The following DNMBP variants were observed in gnomAD, a reference collection of about 807,000 sequenced individuals.
DNMBP encodes the protein dynamin-binding protein.
Under a neutral mutation model 150.0 loss-of-function variants are expected in DNMBP, and 87 were observed. The ratio of observed to expected loss-of-function variants is 0.58; its 90% CI spans 0.49 to 0.69. The LOEUF is 0.69. Ranked by LOEUF, DNMBP falls within the 30% of genes least tolerant of loss-of-function variation. The probability of loss-of-function intolerance (pLI) is 0.00; values close to 1 mark genes in which losing one functional copy is unlikely to be tolerated. For missense variants in DNMBP, 1,774 were observed against 1,949.0 expected (o/e 0.91, Z 1.69); for synonymous variants, 711 against 750.4 (o/e 0.95, Z 0.86).
chr10:99,986,845 G>T (rs890756960), intron 1 of DNMBP, among the ~76,000 whole-genome samples: 2 of 152,038 alleles, frequency 1.3e-5, no homozygotes, highest in Non-Finnish European at 2.9e-5. Flanking sequence ...ACAGTGGGAA[G>T]GTTCACTTCA....
chr10:99,956,322 G>A lies in DNMBP; in HGVS notation c.1152C>T (p.Pro384=). The A allele has an allele frequency of 6.2e-7, 1 of 1,613,864 alleles. No individual in the cohort carries two copies. Among genetic ancestry groups the A allele is most frequent in the Non-Finnish European group, 8.5e-7 (1 of 1,179,988 alleles). The part of the protein sequence containing the change: ...SYQDEDTAGG[P]PRSPGVEWEM... ...CCCACTCCACGCCTGGGCTTCTCGG[G>A]GGCCCTCCTGCGGTGTCCTCGTCCT... The change falls in exon 4 of 17, where the codon CCC becomes CCT. Residue 384 remains proline (P), a synonymous_variant. Transcript: ENST00000324109.
chr10:99,884,248 A>G, intron 14 of DNMBP, 39 bp from the exon 15 acceptor site: 8 of 1,567,452 alleles, frequency 5.1e-6, no homozygotes, highest in Non-Finnish European at 6.1e-6. Flanking sequence ...CTCAGTGGCC[A>G]CTACCCCAGC....
At chr10:99,948,669 A>T (rs2040385644) in intron 4 of DNMBP, among the ~76,000 whole-genome samples, 1 of 152,152 alleles carries the variant, frequency 6.6e-6, no homozygotes, top group Non-Finnish European at 1.5e-5. Flanking sequence ...ATGGAAAGAA[A>T]ATAAAAACCA....
intron 11 of DNMBP, among the ~76,000 whole-genome samples, chr10:99,894,259 G>C (rs2039619165): frequency 6.6e-6 from 1 of 152,208 alleles, no homozygotes; most frequent in Admixed American, 6.5e-5. Context: ...GAGAGAAAGA[G>C]ACTCTGTCTC....
chr10:99,944,695 C>T (rs892747360), intron 4 of DNMBP, among the ~76,000 whole-genome samples: 40 of 145,214 alleles, frequency 2.8e-4, no homozygotes, highest in African/African-American at 1.0e-3. Flanking sequence ...GAATACCACA[C>T]GGAAGCCCAC....
At chr10:99,984,441 A>C (rs929357950) in intron 1 of DNMBP, among the ~76,000 whole-genome samples, 4 of 152,258 alleles carry the variant, frequency 2.6e-5, no homozygotes, top group African/African-American at 9.6e-5. Context: ...CAGATGTAAT[A>C]CACATGACAG....
At chr10:99,990,747 G>A (rs899572846) in intron 1 of DNMBP, among the ~76,000 whole-genome samples, 45 of 137,548 alleles carry the variant, frequency 3.3e-4, no homozygotes, top group Admixed American at 2.2e-4. Context: ...ATATGCACAT[G>A]TATATACACA....
At chr10:99,947,708 TC>T (rs1469433862) in intron 4 of DNMBP, among the ~76,000 whole-genome samples, 1 of 152,186 alleles carries the variant, frequency 6.6e-6, no homozygotes, top group Non-Finnish European at 1.5e-5. Context: ...GCATATGTAC[TC>T]CCTGAATCTA....
chr10:99,949,075 C>G (rs1197381725), intron 4 of DNMBP, among the ~76,000 whole-genome samples: 1 of 152,154 alleles, frequency 6.6e-6, no homozygotes, highest in Non-Finnish European at 1.5e-5. Context: ...TGGCACAGCA[C>G]TGGTCTGACA....
chr10:99,907,843 A>G (rs1352930500), intron 6 of DNMBP, 152 bp downstream of exon 6: 1 of 603,554 alleles, frequency 1.7e-6, no homozygotes, highest in East Asian at 2.8e-5. Flanking sequence ...AGGCTGAGAC[A>G]GAAGGAAAGC....
At chr10:99,959,079 GA>G (rs2040531999) in intron 3 of DNMBP, among the ~76,000 whole-genome samples, 1 of 152,190 alleles carries the variant, frequency 6.6e-6, no homozygotes, top group Non-Finnish European at 1.5e-5. Context: ...GATGCAAATA[GA>G]ATCTGGTTTT....
At chr10:99,951,649 T>G (rs2040423579) in intron 4 of DNMBP, among the ~76,000 whole-genome samples, 1 of 152,210 alleles carries the variant, frequency 6.6e-6, no homozygotes, top group African/African-American at 2.4e-5. Context: ...ATTTCAGACT[T>G]GCGTGGGGCC....
intron 4 of DNMBP, among the ~76,000 whole-genome samples, chr10:99,944,937 C>T (rs1370308557): frequency 6.6e-6 from 1 of 152,028 alleles, no homozygotes; most frequent in East Asian, 1.9e-4. Context: ...TAAAAGGAGA[C>T]CTTTTCTGTA....
chr10:99,892,128 A>G (rs1291370947), intron 11 of DNMBP, among the ~76,000 whole-genome samples: 5 of 90,936 alleles, frequency 5.5e-5, no homozygotes, highest in East Asian at 2.9e-4. Context: ...TGGGACGTGA[A>G]GAGCCCCTCT....
chr10:100,007,314 C>A (rs1437485701), intron 1 of DNMBP, among the ~76,000 whole-genome samples: 1 of 152,188 alleles, frequency 6.6e-6, no homozygotes, highest in Admixed American at 6.5e-5. Context: ...GTCTGTTCCA[C>A]GAGGGCTTAG....
chr10:99,907,113 C>A (rs1022968027), intron 6 of DNMBP, among the ~76,000 whole-genome samples: 1 of 151,838 alleles, frequency 6.6e-6, no homozygotes, highest in Non-Finnish European at 1.5e-5. Context: ...GAGTTTGAAA[C>A]CAGCCTGGGC....
At chr10:99,902,843 G>GT (rs1218943570) in intron 6 of DNMBP, among the ~76,000 whole-genome samples, 1 of 151,244 alleles carries the variant, frequency 6.6e-6, no homozygotes, top group Non-Finnish European at 1.5e-5. Context: ...CAGGAGAATC[G>GT]TTTGAACCCA....
At chr10:99,999,930 C>T (rs1051148087) in intron 1 of DNMBP, among the ~76,000 whole-genome samples, 1 of 152,110 alleles carries the variant, frequency 6.6e-6, no homozygotes, top group East Asian at 1.9e-4. Flanking sequence ...TAAACAAAAG[C>T]GGTATTTCAG....
chr10:99,882,541 G>A (rs950702152), intron 15 of DNMBP, among the ~76,000 whole-genome samples: 1 of 152,122 alleles, frequency 6.6e-6, no homozygotes, highest in African/African-American at 2.4e-5. Flanking sequence ...CCAAGATTGT[G>A]CCCCTACAAT....
Sources: gnomAD v4.1 joint callset for allele counts (sites outside exome capture counted in the v4.1 genomes callset) on GRCh38, gnomAD v4.1.1 for gene constraint, MANE v1.5 for transcripts, NCBI Gene and HGNC (gene_info 2026-07-23, HGNC 2026-07-21) for gene names.